Variants in PHC3 observed in about 807,000 individuals in gnomAD.
PHC3 encodes the protein polyhomeotic homolog 3.
Under a neutral mutation model 107.4 loss-of-function variants are expected in PHC3, and 13 were observed. That is an observed-to-expected ratio of 0.12 (90% CI 0.08 to 0.19). The LOEUF (loss-of-function observed/expected upper bound fraction) is 0.19. Among genes scored for constraint, PHC3 ranks in the 10% least tolerant of loss-of-function variants. The pLI is 1.00. For missense variants in PHC3, 992 were observed against 1,210.9 expected (o/e 0.82, Z 2.68); for synonymous variants, 456 against 427.4 (o/e 1.07, Z -0.83).
At chr3:170,136,191 T>G (rs536373920) in intron 7 of PHC3, 5 of 475,878 alleles carry the variant, frequency 1.1e-5, no homozygotes, top group African/African-American at 1.0e-4. Context: ...AAGATGATAA[T>G]CAAATGTAAT....
chr3:170,128,893 G>T lies in PHC3; in HGVS notation c.1579C>A (p.Pro527Thr). 1 of 1,614,048 alleles carries T rather than the reference G, an allele frequency of 6.2e-7. No homozygotes were observed. The highest frequency in any genetic ancestry group is 1.1e-5 in the South Asian group (1 of 91,080). ...MSTSPPAQIP[P>T]LPLQSMQSLQ... Reference sequence around the variant, plus strand: ...GACTGCATAGACTGCAAGGGCAGTGGTGGAATCTGAGCTGGAGGAGATGTC... The same window carrying T: ...GACTGCATAGACTGCAAGGGCAGTGTTGGAATCTGAGCTGGAGGAGATGTC... The change falls in exon 8 of 15, where the codon CCA (proline) becomes ACA (threonine). Residue 527 changes from proline to threonine, a missense_variant. Transcript: ENST00000495893.
intron 4 of PHC3, among the ~76,000 whole-genome samples, chr3:170,165,041 G>A (rs551259979): frequency 2.0e-5 from 3 of 152,240 alleles, no homozygotes; most frequent in East Asian, 1.9e-4. Context: ...TGCACCCTGC[G>A]GTCTCAGTGG....
chr3:170,131,324 G>A lies in PHC3; in HGVS notation c.920-1772C>T, dbSNP rs115707271. Among the ~76,000 whole-genome samples the A allele has an allele frequency of 3.0e-3, 451 of 152,098 alleles. 3 individuals carry two copies. Among genetic ancestry groups the A allele is most frequent in the African/African-American group, 0.01 (433 of 41,490 alleles). ...TAACAAAATCTTGGATTTCTACAGCGTGCCCTTCATCCAAGGGGCTGAAAG... is the reference window on the plus strand; with the variant it reads ...TAACAAAATCTTGGATTTCTACAGCATGCCCTTCATCCAAGGGGCTGAAAG... On this transcript the variant is annotated intron_variant, in intron 7 of 14. Transcript: ENST00000495893.
chr3:170,171,803 T>A (rs1225115063), intron 3 of PHC3, among the ~76,000 whole-genome samples: 1 of 152,242 alleles, frequency 6.6e-6, no homozygotes, highest in Admixed American at 6.5e-5. Context: ...TCCTAACTTG[T>A]ATCACAAACA....
At chr3:170,099,029 TCTTA>T (rs1364335144) in intron 14 of PHC3, among the ~76,000 whole-genome samples, 3 of 152,130 alleles carry the variant, frequency 2.0e-5, no homozygotes, top group African/African-American at 7.2e-5. Context: ...CTCTCTTCAG[TCTTA>T]CTTACAAGAA....
At position 170,097,966 on chromosome 3, in the gene PHC3, T is replaced by C. The variant is rs2108249698; in HGVS notation, c.2834-582A>G. Among the ~76,000 whole-genome samples, 1 of 152,288 alleles carries C rather than the reference T, an allele frequency of 6.6e-6. No individual in the cohort carries two copies. Among genetic ancestry groups the C allele is most frequent in the Non-Finnish European group, 1.5e-5 (1 of 68,010 alleles). On this transcript the variant is annotated intron_variant, in intron 14 of 14. Transcript: ENST00000495893. The surrounding 1 kb of genome is among the most constrained non-coding windows in gnomAD (Gnocchi z 4.1). The stretch of plus-strand genomic sequence containing the variant: ...AAATTTCTCAAGACTGTATTACCAA[T>C]CTATTGCAATGCTGCTGAAATGTAT...
intron 6 of PHC3, among the ~76,000 whole-genome samples, chr3:170,141,370 C>G (rs9830976): frequency 0.012 from 1,759 of 152,298 alleles, 30 homozygotes; most frequent in African/African-American, 0.04. Flanking sequence ...AAAAATCTAT[C>G]TTTGAATTAA....
chr3:170,106,657 G>A (rs1716579854), intron 12 of PHC3, among the ~76,000 whole-genome samples, 175 bp downstream of exon 12: 1 of 152,000 alleles, frequency 6.6e-6, no homozygotes, highest in Non-Finnish European at 1.5e-5. Flanking sequence ...ATACTAGGTG[G>A]CTCCAGATAC....
At chr3:170,175,035 T>G (rs1025856748) in intron 2 of PHC3, among the ~76,000 whole-genome samples, 2 of 152,186 alleles carry the variant, frequency 1.3e-5, no homozygotes, top group Admixed American at 6.5e-5. Context: ...TCACTACTAT[T>G]CAATTACTCA....
At position 170,090,785 on chromosome 3, in the gene PHC3, A is replaced by G. The variant is rs1441196262; in HGVS notation, c.*6445T>C. 6.6e-6 allele frequency: 1 copy of G among 152,232 alleles called. No individual in the cohort carries two copies. Among genetic ancestry groups the G allele is most frequent in the African/African-American group, 2.4e-5 (1 of 41,444 alleles). The allele number at this position is 152,232 out of a possible 1,614,324, so 9.4% of individuals were successfully genotyped here. ...TGTTAAAACAGCTGAGTAATTGCCC[A>G]ACATGTCACACACAGCTAACCCACT... On this transcript the variant is annotated 3_prime_UTR_variant, in exon 15 of 15. Transcript: ENST00000495893.
intron 2 of PHC3, among the ~76,000 whole-genome samples, chr3:170,175,956 G>A (rs866852156): frequency 5.4e-5 from 8 of 146,864 alleles, no homozygotes; most frequent in Non-Finnish European, 6.0e-5. Flanking sequence ...GGCCGGGCAC[G>A]GTAGCTCATG....
intron 14 of PHC3, among the ~76,000 whole-genome samples, chr3:170,099,936 T>C (rs1385876545): frequency 1.3e-5 from 2 of 152,214 alleles, no homozygotes; most frequent in African/African-American, 4.8e-5. Flanking sequence ...CAGTTCACCA[T>C]AGCAAGGAAA....
chr3:170,174,082 ACTCAGGAGG>A, intron 2 of PHC3, among the ~76,000 whole-genome samples: 1 of 152,088 alleles, frequency 6.6e-6, no homozygotes, highest in East Asian at 1.9e-4. Flanking sequence ...AATCCCAGAT[ACTCAGGAGG>A]CTCAGGTGGG....
intron 11 of PHC3, among the ~76,000 whole-genome samples, chr3:170,107,524 G>A (rs772030430): frequency 1.3e-5 from 2 of 152,088 alleles, no homozygotes; most frequent in African/African-American, 4.8e-5. Context: ...CAGAAGAATC[G>A]TTTGAGACAA....
In PHC3 at chr3:170,095,396, TC is replaced by T. The variant is rs1299289986; in HGVS notation, c.*1833del. ...TTTAAAACATTACTACACAAAGAATTCCACAAAGCATACATTCAAACAAGAG... is the reference window on the plus strand; with the variant it reads ...TTTAAAACATTACTACACAAAGAATTCACAAAGCATACATTCAAACAAGAG... On this transcript the variant is annotated 3_prime_UTR_variant, in exon 15 of 15. Transcript: ENST00000495893. 2 of 152,054 alleles carry T rather than the reference TC, an allele frequency of 1.3e-5. No individual in the cohort carries two copies. The highest frequency in any genetic ancestry group is 1.3e-4 in the Admixed American group (2 of 15,240). 9.4% of individuals were successfully genotyped at this position (152,054 alleles called of 1,614,324 possible). A position where few individuals can be genotyped will look rare whatever the true frequency, so the allele number is the denominator to read the frequency against.
rs765049178 is a variant in PHC3, at chr3:170,178,745, A to G, written c.180+28T>C. 40 of 1,609,914 alleles carry G rather than the reference A, an allele frequency of 2.5e-5. No individual in the cohort carries two copies. The South Asian group carries it at 4.3e-4, about 17-fold the overall frequency. On this transcript the variant is annotated intron_variant, in intron 2 of 14. Coordinates refer to ENST00000495893, the MANE Select transcript of PHC3 (RefSeq NM_024947.4). ...AAAGTAATATGACATCTTAAGTCTT[A>G]GACTACCCATCACTACAGCTGAAAT...
At position 170,149,145 on chromosome 3, in the gene PHC3, C is replaced by T. The variant is rs770267520; in HGVS notation, c.514G>A (p.Gly172Arg). The T allele has an allele frequency of 5.6e-6, 9 of 1,613,234 alleles. No homozygotes were observed. Among genetic ancestry groups the T allele is most frequent in the South Asian group, 1.1e-5 (1 of 90,922 alleles). Residue 172 changes from glycine (G) to arginine (R), a missense_variant, in exon 5 of 15, where the codon GGG becomes AGG. Transcript: ENST00000495893. ...GSITQQTMLLGSTSPTLTASQ... is the reference protein window; with the variant it reads ...GSITQQTMLLRSTSPTLTASQ... ...GCCGTTAGGGTAGGGGAAGTACTCC[C>T]TAGTAACATAGTCTGTTGGGTAATA... is the stretch of plus-strand genomic sequence containing the variant.
intron 6 of PHC3, among the ~76,000 whole-genome samples, chr3:170,140,246 T>A (rs1169792634): frequency 2.0e-5 from 3 of 150,422 alleles, no homozygotes; most frequent in Admixed American, 1.3e-4. Flanking sequence ...TTGGATTTAC[T>A]GGGTCAGATT....
At position 170,149,150 on chromosome 3, in the gene PHC3, A is replaced by AAC; in HGVS notation, c.507_508dup (p.Leu170CysfsTer3). The AAC allele has an allele frequency of 6.2e-7, 1 of 1,613,330 alleles. No individual in the cohort carries two copies. Among genetic ancestry groups the AAC allele is most frequent in the Non-Finnish European group, 8.5e-7 (1 of 1,179,728 alleles). On this transcript the variant is annotated frameshift_variant, in exon 5 of 15. Coordinates refer to ENST00000495893, the MANE Select transcript of PHC3 (RefSeq NM_024947.4). LOFTEE classifies it high-confidence loss of function. ...TAGGGTAGGGGAAGTACTCCCTAGT[A>AAC]ACATAGTCTGTTGGGTAATACTGCC... is the stretch of plus-strand genomic sequence containing the variant.
Sources: allele counts gnomAD v4.1 joint callset (sites outside exome capture counted in the v4.1 genomes callset), GRCh38; gene constraint gnomAD v4.1.1; non-coding constraint Gnocchi (gnomAD v3.1); transcripts MANE v1.5; gene names NCBI Gene and HGNC (gene_info 2026-07-23, HGNC 2026-07-21).